TENM3: variants seen among roughly 807,000 people sequenced by gnomAD.
The protein encoded by TENM3 is teneurin transmembrane protein 3, also known as teneurin-3.
TENM3 carries 63 observed loss-of-function variants against 255.1 expected under a neutral mutation model. That is an observed-to-expected ratio of 0.25 (90% CI 0.20 to 0.30). TENM3 has a LOEUF of 0.30. TENM3 is among the 10% of genes least tolerant of loss of function. The pLI, the probability that TENM3 is intolerant of heterozygous loss-of-function variation, is 1.00. For missense variants in TENM3, 2,929 were observed against 3,461.1 expected (o/e 0.85, Z 3.86); for synonymous variants, 1,306 against 1,322.3 (o/e 0.99, Z 0.27).
chr4:182,245,199 G>A (rs986042276), intron 1 of TENM3, among the ~76,000 whole-genome samples: 2 of 152,106 alleles, frequency 1.3e-5, no homozygotes, highest in Non-Finnish European at 2.9e-5. Context: ...TTAATCCATG[G>A]GCTTTGTTTC....
the TENM3 span, among the ~76,000 whole-genome samples, chr4:182,049,827 A>T: frequency 6.6e-6 from 1 of 152,022 alleles, no homozygotes; most frequent in African/African-American, 2.4e-5. Flanking sequence ...TCTCTTGGGG[A>T]GTATCACGTA....
At chr4:181,813,716 G>T in the TENM3 span, among the ~76,000 whole-genome samples, 30 of 152,332 alleles carry the variant, frequency 2.0e-4, no homozygotes, top group African/African-American at 6.7e-4. Context: ...ATGAGTTTCA[G>T]TGTCGCCTCT....
chr4:181,657,594 G>A, the TENM3 span, among the ~76,000 whole-genome samples: 11 of 152,116 alleles, frequency 7.2e-5, no homozygotes, highest in African/African-American at 2.7e-4. Context: ...GTTTCTCAAA[G>A]AACTTAAAAC....
chr4:182,486,616 A>G (rs1326174137), intron 3 of TENM3, among the ~76,000 whole-genome samples: 1 of 152,192 alleles, frequency 6.6e-6, no homozygotes, highest in Non-Finnish European at 1.5e-5. Flanking sequence ...AATTTTATGT[A>G]AGGTCCAGGA....
rs1025948920 is a variant in TENM3 at position 182,231,631 on chromosome 4, C to T, written c.-76+86877C>T. 1.1e-4 allele frequency among the ~76,000 whole-genome samples: 16 copies of T among 152,202 alleles called. 1 individual carries two copies. The highest frequency in any genetic ancestry group is 1.9e-4 in the Non-Finnish European group (13 of 68,040). On this transcript the variant is annotated intron_variant, in intron 1 of 2. Transcript: ENST00000512480. ...CCAGGGCAGGAATGTTCCTGCCTCT[C>T]GCCCCATGAGGTCCTCTCAGCTGTT...
At chr4:181,893,497 C>G in the TENM3 span, among the ~76,000 whole-genome samples, 3 of 103,892 alleles carry the variant, frequency 2.9e-5, no homozygotes, top group Non-Finnish European at 3.7e-5. Context: ...GCCCACCCCC[C>G]CCCCACCCCC....
intron 3 of TENM3, among the ~76,000 whole-genome samples, chr4:182,411,412 C>A (rs1159434871): frequency 1.3e-5 from 2 of 152,138 alleles, no homozygotes; most frequent in South Asian, 4.2e-4. Context: ...GAGAGAGGAC[C>A]CAAGAGGTTC....
At chr4:182,788,255 G>C (rs1441714577) in intron 24 of TENM3, among the ~76,000 whole-genome samples, 2 of 152,220 alleles carry the variant, frequency 1.3e-5, no homozygotes, top group African/African-American at 4.8e-5. Flanking sequence ...GCCCTTCAGA[G>C]GTTCACAGCC....
the TENM3 span, among the ~76,000 whole-genome samples, chr4:181,499,751 G>T: frequency 6.6e-6 from 1 of 152,210 alleles, no homozygotes; most frequent in African/African-American, 2.4e-5. Flanking sequence ...GGATATGATT[G>T]CTGTACATTA....
intron 5 of TENM3, among the ~76,000 whole-genome samples, chr4:182,640,509 A>G (rs1357893842): frequency 6.6e-6 from 1 of 152,234 alleles, no homozygotes; most frequent in African/African-American, 2.4e-5. Context: ...ATTTCAAATA[A>G]TCATAAATTT....
At chr4:181,908,193 C>T in the TENM3 span, among the ~76,000 whole-genome samples, 1 of 152,016 alleles carries the variant, frequency 6.6e-6, no homozygotes, top group African/African-American at 2.4e-5. Context: ...TCCATAAAAG[C>T]AGTTTTGAAA....
chr4:181,689,196 A>T, the TENM3 span, among the ~76,000 whole-genome samples: 1 of 152,198 alleles, frequency 6.6e-6, no homozygotes, highest in African/African-American at 2.4e-5. Flanking sequence ...TCATGTTTCC[A>T]GTAATTTATT....
At chr4:182,288,808 G>A (rs972964939) in intron 1 of TENM3, among the ~76,000 whole-genome samples, 2 of 152,168 alleles carry the variant, frequency 1.3e-5, no homozygotes, top group African/African-American at 2.4e-5. Context: ...GGAGCACAGG[G>A]TGGAATACCA....
the TENM3 span, among the ~76,000 whole-genome samples, chr4:182,020,518 T>C: frequency 6.6e-6 from 1 of 152,166 alleles, no homozygotes; most frequent in South Asian, 2.1e-4. Flanking sequence ...AACAATAATA[T>C]ACCATTTCAC....
At chr4:182,439,522 A>C (rs1772304156) in intron 3 of TENM3, among the ~76,000 whole-genome samples, 1 of 152,230 alleles carries the variant, frequency 6.6e-6, no homozygotes, top group South Asian at 2.1e-4. Flanking sequence ...AAGGCATTTC[A>C]TGTGAAAGAA....
chr4:181,801,457 T>C, the TENM3 span, among the ~76,000 whole-genome samples: 3 of 151,888 alleles, frequency 2.0e-5, no homozygotes, highest in Non-Finnish European at 2.9e-5. Flanking sequence ...CTCCAGCTCA[T>C]TTCTCCAGGT....
At chr4:182,614,812 A>AT (rs11447934) in intron 4 of TENM3, among the ~76,000 whole-genome samples, 31,829 of 151,626 alleles carry the variant, frequency 0.21, 3,888 homozygotes, top group Admixed American at 0.28. Context: ...AATGTGGAGT[A>AT]TTTTTTCAAT....
the TENM3 span, among the ~76,000 whole-genome samples, chr4:181,773,934 T>C: frequency 6.6e-6 from 1 of 151,230 alleles, no homozygotes; most frequent in East Asian, 1.9e-4. Context: ...TTTTCAAAAT[T>C]AAACCCAAAT....
intron 1 of TENM3, among the ~76,000 whole-genome samples, chr4:182,315,601 G>A (rs1438296075): frequency 6.6e-6 from 1 of 152,044 alleles, no homozygotes; most frequent in East Asian, 1.9e-4. Flanking sequence ...TTTGGGGCTT[G>A]TTGAGCTACT....
Sources: allele counts gnomAD v4.1 joint callset (sites outside exome capture counted in the v4.1 genomes callset), GRCh38; gene constraint gnomAD v4.1.1; transcripts MANE v1.5; gene names NCBI Gene and HGNC (gene_info 2026-07-23, HGNC 2026-07-21).